PPP2R3A: variants seen among roughly 807,000 people sequenced by gnomAD.
PPP2R3A encodes serine/threonine-protein phosphatase 2A regulatory subunit B'' subunit alpha.
Under a neutral mutation model 106.9 loss-of-function variants are expected in PPP2R3A, and 80 were observed. The observed-to-expected ratio is 0.75, with a 90% CI of 0.62 to 0.90. The LOEUF is 0.90. Among genes scored for constraint, PPP2R3A ranks in the 40% least tolerant of loss-of-function variants. The pLI is 0.00. For synonymous variants in PPP2R3A, 483 were observed against 468.3 expected (o/e 1.03, Z -0.41); for missense variants, 1,386 against 1,350.4 (o/e 1.03, Z -0.41).
intron 1 of PPP2R3A, among the ~76,000 whole-genome samples, chr3:135,973,401 G>A (rs1937299213): frequency 1.3e-5 from 2 of 152,116 alleles, no homozygotes; most frequent in Non-Finnish European, 2.9e-5. Context: ...GTCCTTCAGG[G>A]ACCACCACAC....
intron 5 of PPP2R3A, among the ~76,000 whole-genome samples, chr3:136,063,757 T>G (rs1313122808): frequency 1.3e-5 from 2 of 150,166 alleles, no homozygotes; most frequent in Non-Finnish European, 3.0e-5. Flanking sequence ...CATTAAAAAG[T>G]CAGGAAACAA....
chr3:136,023,232 G>T, intron 2 of PPP2R3A: 1 of 1,556,024 alleles, frequency 6.4e-7, no homozygotes, highest in Non-Finnish European at 8.7e-7. Flanking sequence ...GTTTTGTTTT[G>T]TTTTGTTTTG....
chr3:136,070,104 A>G (rs1019806788), intron 5 of PPP2R3A, among the ~76,000 whole-genome samples: 6 of 152,142 alleles, frequency 3.9e-5, no homozygotes, highest in African/African-American at 9.7e-5. Flanking sequence ...GCTTGCATCT[A>G]CTGTCCACGA....
At chr3:136,064,393 T>C (rs1486209689) in intron 5 of PPP2R3A, among the ~76,000 whole-genome samples, 1 of 151,952 alleles carries the variant, frequency 6.6e-6, no homozygotes, top group Non-Finnish European at 1.5e-5. Context: ...GTTGCGCACA[T>C]GTACCCTAAA....
chr3:135,968,689 C>T (rs757599948), intron 1 of PPP2R3A, among the ~76,000 whole-genome samples: 2 of 152,142 alleles, frequency 1.3e-5, no homozygotes, highest in Non-Finnish European at 2.9e-5. Context: ...TCTGCTCCCT[C>T]CCCCAGCTAC....
intron 13 of PPP2R3A, among the ~76,000 whole-genome samples, chr3:136,123,096 T>C (rs1411350504): frequency 6.6e-6 from 1 of 152,174 alleles, no homozygotes; most frequent in Non-Finnish European, 1.5e-5. Flanking sequence ...TAATTTAATA[T>C]AATTTATCCC....
intron 13 of PPP2R3A, among the ~76,000 whole-genome samples, chr3:136,139,798 G>A (rs1938782836): frequency 6.6e-6 from 1 of 151,754 alleles, no homozygotes; most frequent in African/African-American, 2.4e-5. Context: ...GAGGTTGGGA[G>A]TTCAAGACTA....
In PPP2R3A at chr3:136,090,579, G is replaced by A. The variant is rs371098929; in HGVS notation, c.2839G>A (p.Gly947Arg). The A allele has an allele frequency of 1.2e-6, 2 of 1,611,816 alleles. No individual in the cohort carries two copies. The highest frequency in any genetic ancestry group is 1.7e-5 in the Admixed American group (1 of 59,952). ...ERIFSGAVTR[G>R]KTIQKEGRMS... is the part of the protein sequence containing the mutation. ...TTTATAACCATGTGTTTTCTTTAGGGGAAAAACAATACAGAAAGAGGGAAG... is the reference window on the plus strand; with the variant it reads ...TTTATAACCATGTGTTTTCTTTAGGAGAAAAACAATACAGAAAGAGGGAAG... The change falls in exon 10 of 14, where the codon GGA (glycine) becomes AGA (arginine). Residue 947 changes from glycine to arginine, a missense_variant and splice_region_variant. Physicochemically the swap from Gly to Arg is moderately radical, Grantham distance 125 (BLOSUM62 -2). Transcript: ENST00000264977.
chr3:136,101,407 T>G (rs1359059125), intron 10 of PPP2R3A, among the ~76,000 whole-genome samples: 4 of 152,078 alleles, frequency 2.6e-5, no homozygotes, highest in African/African-American at 7.2e-5. Flanking sequence ...CTACTTTTTG[T>G]TTGGTTGGTT....
At chr3:136,097,006 A>G (rs1937231712) in intron 10 of PPP2R3A, among the ~76,000 whole-genome samples, 1 of 152,254 alleles carries the variant, frequency 6.6e-6, no homozygotes, top group Non-Finnish European at 1.5e-5. Flanking sequence ...TTATGTCTAC[A>G]ATATTAGAAA....
chr3:136,064,360 A>T (rs1936189756), intron 5 of PPP2R3A, among the ~76,000 whole-genome samples: 1 of 151,904 alleles, frequency 6.6e-6, no homozygotes, highest in Admixed American at 6.6e-5. Flanking sequence ...TGGCACATGT[A>T]TACATATGTA....
intron 7 of PPP2R3A, chr3:136,079,067 T>G: frequency 2.9e-6 from 1 of 348,438 alleles, no homozygotes; most frequent in Non-Finnish European, 5.8e-6. Context: ...ATGTTTTATT[T>G]TTAAGAATCA....
At chr3:136,026,604 T>C (rs1934666012) in intron 2 of PPP2R3A, among the ~76,000 whole-genome samples, 1 of 152,184 alleles carries the variant, frequency 6.6e-6, no homozygotes, top group South Asian at 2.1e-4. Context: ...CCTATGTATT[T>C]TTTTAAACGT....
At chr3:135,966,499 C>T (rs1267529155) in intron 1 of PPP2R3A, among the ~76,000 whole-genome samples, 1 of 152,086 alleles carries the variant, frequency 6.6e-6, no homozygotes. Context: ...CCCGCGCCGA[C>T]CTGGCCGCCG....
intron 3 of PPP2R3A, among the ~76,000 whole-genome samples, chr3:136,030,818 GTATGTATA>G (rs1341468643): frequency 1.4e-5 from 2 of 139,184 alleles, no homozygotes; most frequent in African/African-American, 2.9e-5. Context: ...ATGTATGTAT[GTATGTATA>G]CACACACACA....
Position 136,003,139 on chromosome 3 carries a change from C to T in PPP2R3A, c.1641C>T (p.Thr547=), listed in dbSNP as rs61757744. The part of the protein sequence containing the change: ...SNFLNSHSQL[T]GQTLVDLEPK... ...TTTTAAATAGTCACAGTCAGTTGAC[C>T]GGTCAGACCCTTGTAGATCTTGAGC... is the stretch of plus-strand genomic sequence containing the variant. Residue 547 remains threonine, a synonymous_variant, in exon 2 of 14, where the codon ACC becomes ACT. Transcript: ENST00000264977. 18,047 of 1,612,802 alleles carry T rather than the reference C, an allele frequency of 0.011. 126 individuals carry two copies. The highest frequency in any genetic ancestry group is 0.013 in the Non-Finnish European group (15,703 of 1,179,572).
intron 3 of PPP2R3A, among the ~76,000 whole-genome samples, chr3:136,028,159 C>G (rs148121120): frequency 2.6e-5 from 4 of 152,302 alleles, no homozygotes; most frequent in South Asian, 2.1e-4. Context: ...GGCTTCCCCT[C>G]CTGCCAACCT....
At chr3:135,981,287 G>C (rs1195182480) in intron 1 of PPP2R3A, among the ~76,000 whole-genome samples, 1 of 151,816 alleles carries the variant, frequency 6.6e-6, no homozygotes, top group Non-Finnish European at 1.5e-5. Context: ...GTAGCAGATT[G>C]TCTTCTCTAC....
chr3:136,087,750 G>A (rs1039351388), intron 8 of PPP2R3A, 133 bp from the exon 9 acceptor site: 2 of 541,018 alleles, frequency 3.7e-6, no homozygotes, highest in Admixed American at 6.9e-5. Context: ...AAATAAAAAT[G>A]TACTCACATT....
Sources: gnomAD v4.1 joint callset for allele counts (sites outside exome capture counted in the v4.1 genomes callset) on GRCh38, gnomAD v4.1.1 for gene constraint, MANE v1.5 for transcripts, NCBI Gene and HGNC (gene_info 2026-07-23, HGNC 2026-07-21) for gene names.